Variants in SGCZ observed in about 807,000 individuals in gnomAD.
SGCZ encodes the protein zeta-sarcoglycan.
SGCZ carries 40 observed loss-of-function variants against 41.3 expected under a neutral mutation model. The ratio of observed to expected loss-of-function variants is 0.97; its 90% CI spans 0.75 to 1.26. The LOEUF (loss-of-function observed/expected upper bound fraction) is 1.26, where lower values mean the gene tolerates loss of function less well. Among genes scored for constraint, SGCZ ranks in the 50% most tolerant of loss-of-function variants. The pLI is 0.00. For missense variants in SGCZ, 552 were observed against 369.8 expected (o/e 1.49, Z -4.04); for synonymous variants, 206 against 137.5 (o/e 1.50, Z -3.49).
At chr8:14,179,678 G>C (rs893398131) in intron 4 of SGCZ, among the ~76,000 whole-genome samples, 4 of 152,296 alleles carry the variant, frequency 2.6e-5, no homozygotes, top group African/African-American at 9.6e-5. Context: ...GCTGAGCACA[G>C]TCATCAAATT....
chr8:14,790,636 T>C (rs891773730), intron 1 of SGCZ, among the ~76,000 whole-genome samples: 2 of 152,124 alleles, frequency 1.3e-5, no homozygotes, highest in East Asian at 1.9e-4. Flanking sequence ...AATACGGAGA[T>C]AGTTAAGTAA....
At chr8:14,127,728 T>C (rs1802906960) in intron 5 of SGCZ, among the ~76,000 whole-genome samples, 1 of 152,212 alleles carries the variant, frequency 6.6e-6, no homozygotes, top group African/African-American at 2.4e-5. Flanking sequence ...AGTGCTGGGA[T>C]TACATGCATG....
intron 2 of SGCZ, among the ~76,000 whole-genome samples, chr8:14,473,090 A>G (rs1005673225): frequency 2.0e-5 from 3 of 152,186 alleles, no homozygotes; most frequent in Admixed American, 6.5e-5. Context: ...GTTAAAATAA[A>G]TAACTAACTG....
chr8:14,434,145 T>C, intron 2 of SGCZ, among the ~76,000 whole-genome samples: 1 of 152,228 alleles, frequency 6.6e-6, no homozygotes, highest in South Asian at 2.1e-4. Context: ...GATTTTTGCA[T>C]AAGCTGAGAG....
intron 1 of SGCZ, among the ~76,000 whole-genome samples, chr8:14,977,096 T>A (rs529778855): frequency 6.6e-6 from 1 of 152,240 alleles, no homozygotes; most frequent in African/African-American, 2.4e-5. Context: ...TAACTCCTTT[T>A]CACGGAAAGT....
chr8:15,019,618 G>A (rs1406517605), intron 1 of SGCZ, among the ~76,000 whole-genome samples: 1 of 151,750 alleles, frequency 6.6e-6, no homozygotes, highest in Non-Finnish European at 1.5e-5. Context: ...CCTCTGACCT[G>A]TGTTTGCTGG....
chr8:14,634,616 G>A (rs774800597), intron 1 of SGCZ, among the ~76,000 whole-genome samples: 1 of 151,784 alleles, frequency 6.6e-6, no homozygotes, highest in Non-Finnish European at 1.5e-5. Flanking sequence ...CGAGAAAGAT[G>A]CCTTGAAGGA....
At chr8:14,570,061 T>C (rs866344331) in intron 1 of SGCZ, among the ~76,000 whole-genome samples, 2 of 152,238 alleles carry the variant, frequency 1.3e-5, no homozygotes, top group Middle Eastern at 6.8e-3. Flanking sequence ...TGGAAGTATT[T>C]ATCTCTGCCT....
chr8:14,586,069 A>G (rs757840533), intron 1 of SGCZ, among the ~76,000 whole-genome samples: 5 of 152,244 alleles, frequency 3.3e-5, no homozygotes, highest in Non-Finnish European at 7.3e-5. Flanking sequence ...TTAAAAGGAT[A>G]ACGGACTAGT....
At chr8:14,514,906 C>T (rs1802576576) in intron 2 of SGCZ, among the ~76,000 whole-genome samples, 1 of 150,824 alleles carries the variant, frequency 6.6e-6, no homozygotes, top group African/African-American at 2.4e-5. Flanking sequence ...TTTGTTCTTT[C>T]TATTATGTTA....
chr8:14,154,559 G>A (rs532161369), intron 5 of SGCZ, among the ~76,000 whole-genome samples: 2 of 152,046 alleles, frequency 1.3e-5, no homozygotes, highest in Admixed American at 1.3e-4. Context: ...ATTTTTGTTT[G>A]AAACAATTTT....
chr8:14,732,363 T>A (rs2254310), intron 1 of SGCZ, among the ~76,000 whole-genome samples: 122,129 of 152,126 alleles, frequency 0.8, 49,352 homozygotes, highest in African/African-American at 0.91. Flanking sequence ...CTTCCAACTC[T>A]TTCGTTTCCA....
At chr8:14,798,908 TA>T (rs1801223311) in intron 1 of SGCZ, among the ~76,000 whole-genome samples, 1 of 148,140 alleles carries the variant, frequency 6.8e-6, no homozygotes, top group African/African-American at 2.6e-5. Context: ...ACATAATTAA[TA>T]AAAAATCTTT....
At chr8:15,035,934 C>G (rs1163319171) in intron 1 of SGCZ, among the ~76,000 whole-genome samples, 1 of 151,600 alleles carries the variant, frequency 6.6e-6, no homozygotes, top group African/African-American at 2.4e-5. Flanking sequence ...ATTACTCAAA[C>G]AGAAAATCAA....
chr8:14,786,673 G>A (rs1800775562), intron 1 of SGCZ, among the ~76,000 whole-genome samples: 1 of 151,882 alleles, frequency 6.6e-6, no homozygotes, highest in Non-Finnish European at 1.5e-5. Context: ...TAAACAAACA[G>A]AAAGTCTATG....
chr8:14,893,600 T>C (rs944522924), intron 1 of SGCZ, among the ~76,000 whole-genome samples: 2 of 152,166 alleles, frequency 1.3e-5, no homozygotes, highest in South Asian at 4.1e-4. Context: ...TCGCCATAAT[T>C]TTAGGAATTT....
At chr8:14,470,984 A>T (rs1801198914) in intron 2 of SGCZ, among the ~76,000 whole-genome samples, 1 of 152,136 alleles carries the variant, frequency 6.6e-6, no homozygotes, top group Non-Finnish European at 1.5e-5. Context: ...AAGAGGCGCT[A>T]CCCTAAGTTA....
chr8:14,649,725 T>C (rs1378801400), intron 1 of SGCZ, among the ~76,000 whole-genome samples: 2 of 152,074 alleles, frequency 1.3e-5, no homozygotes, highest in Non-Finnish European at 2.9e-5. Flanking sequence ...CAGTAACCTG[T>C]CTACCACCTG....
intron 1 of SGCZ, among the ~76,000 whole-genome samples, chr8:14,564,342 A>G (rs1330448269): frequency 2.6e-5 from 4 of 152,050 alleles, no homozygotes; most frequent in Non-Finnish European, 5.9e-5. Flanking sequence ...ACGCTACAAT[A>G]TCAGTCATCT....
Sources: gnomAD v4.1 joint callset for allele counts (sites outside exome capture counted in the v4.1 genomes callset) on GRCh38, gnomAD v4.1.1 for gene constraint, MANE v1.5 for transcripts, NCBI Gene and HGNC (gene_info 2026-07-23, HGNC 2026-07-21) for gene names.